ARID1B: variants seen among roughly 807,000 people sequenced by gnomAD.
The protein encoded by ARID1B is AT-rich interaction domain 1B.
In ARID1B, 30 loss-of-function variants were observed where a neutral mutation model predicts 212.3. That is an observed-to-expected ratio of 0.14 (90% CI 0.11 to 0.19). The LOEUF (loss-of-function observed/expected upper bound fraction) is 0.19, where lower values mean the gene tolerates loss of function less well. ARID1B is among the 10% of genes least tolerant of loss of function. The pLI, the probability that ARID1B is intolerant of heterozygous loss-of-function variation, is 1.00. For synonymous variants in ARID1B, 1,402 were observed against 1,301.7 expected, an observed-to-expected ratio of 1.08 and a Z score of -1.66; for missense variants, 2,891 against 3,204.0, an observed-to-expected ratio of 0.90 and a Z score of 2.36.
At chr6:157,162,460 G>A (rs1791006572) in intron 8 of ARID1B, among the ~76,000 whole-genome samples, 2 of 152,172 alleles carry the variant, frequency 1.3e-5, no homozygotes, top group Admixed American at 1.3e-4. Context: ...TCTCCAAAGT[G>A]AATAAAAGGA....
In ARID1B at chr6:157,207,556, G is replaced by A. The variant is rs1413279513; in HGVS notation, c.6784G>A (p.Ala2262Thr). The A allele has an allele frequency of 5.0e-6, 8 of 1,614,042 alleles. No individual in the cohort carries two copies. Among genetic ancestry groups the A allele is most frequent in the Non-Finnish European group, 6.8e-6 (8 of 1,180,030 alleles). Reference protein sequence around the residue: ...EMSMALLSNLAQGDALAARAI... With the variant: ...EMSMALLSNLTQGDALAARAI... ...GTCCATGGCGCTTTTATCGAACCTTGCCCAAGGGGACGCACTAGCAGCAAG... is the reference window on the plus strand; with the variant it reads ...GTCCATGGCGCTTTTATCGAACCTTACCCAAGGGGACGCACTAGCAGCAAG... Residue 2262 changes from alanine (A) to threonine (T), a missense_variant, in exon 20 of 20, where the codon GCC (alanine) becomes ACC (threonine). By Grantham distance (58) the Ala-to-Thr change is moderately conservative (BLOSUM62 0). Around this residue, in one of 7 missense-constraint regions of ARID1B, gnomAD observed 187 missense variants for 306.5 expected, o/e 0.61. Transcript: ENST00000636930. The surrounding 1 kb of genome is among the most constrained non-coding windows in gnomAD (Gnocchi z 8.5).
At chr6:156,876,939 G>A (rs991141005) in intron 2 of ARID1B, among the ~76,000 whole-genome samples, 1 of 152,154 alleles carries the variant, frequency 6.6e-6, no homozygotes, top group East Asian at 1.9e-4. Context: ...TTTGTTGCCA[G>A]GCTGGAGTGC....
At position 157,090,187 on chromosome 6, in the gene ARID1B, G is replaced by C. The variant is rs376739239; in HGVS notation, c.2491+5282G>C. Among the ~76,000 whole-genome samples the C allele has an allele frequency of 1.7e-3, 263 of 152,238 alleles. 4 individuals are homozygous for C. Among genetic ancestry groups the C allele is most frequent in the African/African-American group, 5.7e-3 (238 of 41,500 alleles). ...TTTTATTGGCCAGAGGCTTTTGTCAGCTTTTCCTCCATGTGCTGTAAGCAG... is the reference window on the plus strand; with the variant it reads ...TTTTATTGGCCAGAGGCTTTTGTCACCTTTTCCTCCATGTGCTGTAAGCAG... On this transcript the variant is annotated intron_variant, in intron 5 of 19. Coordinates refer to ENST00000636930, the MANE Select transcript of ARID1B (RefSeq NM_001374828.1).
intron 6 of ARID1B, among the ~76,000 whole-genome samples, chr6:157,117,370 C>G (rs1787388224): frequency 6.6e-6 from 1 of 152,118 alleles, no homozygotes; most frequent in South Asian, 2.1e-4. Context: ...TAATTTTATT[C>G]CTACTAATTA....
chr6:156,984,133 C>T (rs527546625), intron 4 of ARID1B, among the ~76,000 whole-genome samples: 2 of 152,072 alleles, frequency 1.3e-5, no homozygotes, highest in Admixed American at 6.6e-5. Flanking sequence ...GGCTGGAGTT[C>T]GGAGGGGATT....
chr6:156,893,147 A>G (rs1788095801), intron 2 of ARID1B, among the ~76,000 whole-genome samples: 1 of 142,794 alleles, frequency 7.0e-6, no homozygotes, highest in Admixed American at 7.5e-5. Context: ...GGTTCATGTG[A>G]TTCTCCTGCC....
chr6:157,026,400 G>A (rs1405850929), intron 4 of ARID1B, among the ~76,000 whole-genome samples: 2 of 152,152 alleles, frequency 1.3e-5, no homozygotes, highest in African/African-American at 2.4e-5. Flanking sequence ...GTATTTTAAA[G>A]TGACTTTATT....
At chr6:157,133,631 C>T (rs950640653) in intron 7 of ARID1B, among the ~76,000 whole-genome samples, 2 of 152,200 alleles carry the variant, frequency 1.3e-5, no homozygotes, top group Non-Finnish European at 2.9e-5. Context: ...CGGCTCAGGA[C>T]GGCATTGCCC....
At chr6:156,865,031 A>C (rs1785586274) in intron 2 of ARID1B, among the ~76,000 whole-genome samples, 1 of 152,182 alleles carries the variant, frequency 6.6e-6, no homozygotes, top group Non-Finnish European at 1.5e-5. Context: ...GTTTAGATCC[A>C]TCAGTTATGT....
At chr6:156,892,044 TTTTTTTTTTTTTTTTC>T (rs547742236) in intron 2 of ARID1B, among the ~76,000 whole-genome samples, 31,877 of 105,092 alleles carry the variant, frequency 0.3, 3,578 homozygotes, top group Non-Finnish European at 0.34. Flanking sequence ...GCGAATTTTC[TTTTTTTTTTTTTTTTC>T]TTTTTTTTTT....
At chr6:156,806,136 C>T (rs534528810) in intron 1 of ARID1B, among the ~76,000 whole-genome samples, 60 of 152,328 alleles carry the variant, frequency 3.9e-4, no homozygotes, top group African/African-American at 1.3e-3. Flanking sequence ...TGTTGAGGTT[C>T]TGTTTTCTTG....
At chr6:157,155,756 C>T (rs1006654224) in intron 8 of ARID1B, among the ~76,000 whole-genome samples, 2 of 152,090 alleles carry the variant, frequency 1.3e-5, no homozygotes, top group South Asian at 2.1e-4. Flanking sequence ...GTAACCCCAC[C>T]GTATTGCTGT....
At chr6:157,165,335 C>T (rs1311765374) in intron 8 of ARID1B, among the ~76,000 whole-genome samples, 1 of 152,160 alleles carries the variant, frequency 6.6e-6, no homozygotes, top group African/African-American at 2.4e-5. Context: ...CCCTGAGCCA[C>T]CCTCATACCT....
chr6:157,038,298 C>T (rs1781467435), intron 4 of ARID1B, among the ~76,000 whole-genome samples: 1 of 152,094 alleles, frequency 6.6e-6, no homozygotes. Flanking sequence ...CACGTGACTC[C>T]TCCATGTGCT....
chr6:157,074,849 AC>A (rs540829865), intron 4 of ARID1B, among the ~76,000 whole-genome samples: 34 of 152,236 alleles, frequency 2.2e-4, no homozygotes, highest in African/African-American at 7.5e-4. Flanking sequence ...AGGTATAGTA[AC>A]ATCATGGCGT....
chr6:156,862,447 G>A (rs943124443), intron 2 of ARID1B, among the ~76,000 whole-genome samples: 1 of 152,162 alleles, frequency 6.6e-6, no homozygotes, highest in Non-Finnish European at 1.5e-5. Flanking sequence ...GGTATATGGC[G>A]AAAGAGGGCA....
intron 2 of ARID1B, among the ~76,000 whole-genome samples, chr6:156,838,695 C>T (rs1225179653): frequency 8.5e-6 from 1 of 117,852 alleles, no homozygotes; most frequent in East Asian, 2.3e-4. Context: ...ACACAGGTAC[C>T]CTAGAACTTA....
At chr6:157,039,804 C>CCT (rs2128520651) in intron 4 of ARID1B, among the ~76,000 whole-genome samples, 1 of 123,718 alleles carries the variant, frequency 8.1e-6, no homozygotes, top group South Asian at 2.8e-4. Flanking sequence ...TTCTTTCTTT[C>CCT]TCTTTCTTTC....
chr6:156,877,544 C>G (rs1028700724), intron 2 of ARID1B, among the ~76,000 whole-genome samples: 1 of 152,098 alleles, frequency 6.6e-6, no homozygotes, highest in African/African-American at 2.4e-5. Flanking sequence ...TTACCTGTAG[C>G]TATTGAATGT....
Sources: gnomAD v4.1 joint callset for allele counts (sites outside exome capture counted in the v4.1 genomes callset) on GRCh38, gnomAD v4.1.1 for gene constraint, gnomAD v4.1.1 regional missense constraint, Gnocchi (gnomAD v3.1) non-coding constraint, MANE v1.5 for transcripts, NCBI Gene and HGNC (gene_info 2026-07-23, HGNC 2026-07-21) for gene names.